The following GPHN variants were observed in gnomAD, a reference collection of about 807,000 sequenced individuals.
The protein encoded by GPHN is gephyrin.
GPHN carries 17 observed loss-of-function variants against 95.5 expected under a neutral mutation model. The ratio of observed to expected loss-of-function variants is 0.18; its 90% CI spans 0.12 to 0.27. The LOEUF is 0.27. GPHN is among the 10% of genes least tolerant of loss of function. The pLI, the probability that GPHN is intolerant of heterozygous loss-of-function variation, is 1.00. For synonymous variants in GPHN, 320 were observed against 322.5 expected (o/e 0.99, Z 0.08); for missense variants, 660 against 978.1 (o/e 0.67, Z 4.34).
chr14:67,530,851 T>A, the GPHN span, among the ~76,000 whole-genome samples: 1 of 152,206 alleles, frequency 6.6e-6, no homozygotes, highest in Non-Finnish European at 1.5e-5. Context: ...GAATTTGGCC[T>A]TAACTATTTT....
At chr14:66,865,986 T>C (rs2063207397) in intron 4 of GPHN, among the ~76,000 whole-genome samples, 2 of 152,124 alleles carry the variant, frequency 1.3e-5, no homozygotes. Context: ...TGTTTTTACG[T>C]ATGTGTGTGT....
intron 2 of GPHN, among the ~76,000 whole-genome samples, chr14:66,687,492 T>C (rs978314156): frequency 1.4e-5 from 2 of 148,118 alleles, no homozygotes; most frequent in Non-Finnish European, 3.0e-5. Flanking sequence ...TTTGGTTTTT[T>C]TTTTTTTTTT....
intron 1 of GPHN, among the ~76,000 whole-genome samples, chr14:66,636,230 A>G (rs997726543): frequency 7.9e-5 from 12 of 152,222 alleles, no homozygotes; most frequent in African/African-American, 2.6e-4. Context: ...GTGACTGTTT[A>G]TAGGATTCCT....
chr14:66,946,479 C>T (rs868435701), intron 8 of GPHN, among the ~76,000 whole-genome samples: 4 of 152,150 alleles, frequency 2.6e-5, no homozygotes, highest in African/African-American at 4.8e-5. Context: ...AATCTCGGCT[C>T]GCTGCAAACT....
chr14:67,059,106 A>C (rs1189990195), intron 11 of GPHN: 2 of 417,382 alleles, frequency 4.8e-6, no homozygotes, highest in East Asian at 8.1e-5. Context: ...CTCAGCACTG[A>C]GTGAGGAAAG....
At chr14:66,552,411 C>G (rs1158493490) in intron 1 of GPHN, among the ~76,000 whole-genome samples, 5 of 152,158 alleles carry the variant, frequency 3.3e-5, no homozygotes, top group Non-Finnish European at 7.4e-5. Flanking sequence ...ATAAGCCCTA[C>G]TTTACAGTGT....
At chr14:67,642,792 TC>T in the GPHN span, among the ~76,000 whole-genome samples, 7 of 126,388 alleles carry the variant, frequency 5.5e-5, no homozygotes, top group African/African-American at 8.8e-5. Flanking sequence ...TACTACATTT[TC>T]TTTTTTTTTT....
intron 3 of GPHN, among the ~76,000 whole-genome samples, chr14:66,788,234 A>G (rs1440729029): frequency 2.0e-5 from 3 of 152,158 alleles, no homozygotes; most frequent in Non-Finnish European, 4.4e-5. Flanking sequence ...GCTTGAACCC[A>G]GGTGGCGGAA....
At chr14:67,656,280 G>T in the GPHN span, 6 of 801,238 alleles carry the variant, frequency 7.5e-6, no homozygotes, top group Non-Finnish European at 1.1e-5. Flanking sequence ...TAAAAATTGA[G>T]AAAAGCATAA....
the GPHN span, among the ~76,000 whole-genome samples, chr14:67,504,605 G>T: frequency 4.6e-5 from 7 of 152,212 alleles, no homozygotes; most frequent in East Asian, 1.3e-3. Context: ...AAAAACAATA[G>T]GCCATGTGCG....
chr14:66,877,691 C>T (rs924746835), intron 4 of GPHN, among the ~76,000 whole-genome samples: 2 of 152,068 alleles, frequency 1.3e-5, no homozygotes, highest in Admixed American at 1.3e-4. Flanking sequence ...TGTGAAGGAC[C>T]TCTTCAAGGA....
At chr14:67,428,165 C>T in the GPHN span, among the ~76,000 whole-genome samples, 47 of 152,238 alleles carry the variant, frequency 3.1e-4, no homozygotes, top group Non-Finnish European at 5.1e-4. Context: ...GCGACCCACC[C>T]GCCTCAGCCT....
chr14:67,684,218 C>T, the GPHN span, among the ~76,000 whole-genome samples: 1 of 152,222 alleles, frequency 6.6e-6, no homozygotes, highest in Non-Finnish European at 1.5e-5. Context: ...ATCTGTCTGC[C>T]TTTCTTTCCA....
intron 2 of GPHN, among the ~76,000 whole-genome samples, chr14:66,747,510 G>C (rs1337467286): frequency 6.6e-6 from 1 of 151,790 alleles, no homozygotes; most frequent in African/African-American, 2.4e-5. Context: ...AACGAGTACT[G>C]ACTCTTGGCC....
chr14:66,787,837 TA>T (rs2059831248), intron 3 of GPHN, among the ~76,000 whole-genome samples: 1 of 150,672 alleles, frequency 6.6e-6, no homozygotes, highest in Non-Finnish European at 1.5e-5. Context: ...AAATACATAG[TA>T]GGCTTTAATA....
At chr14:67,273,256 T>G in the GPHN span, among the ~76,000 whole-genome samples, 8 of 152,200 alleles carry the variant, frequency 5.3e-5, no homozygotes, top group African/African-American at 1.9e-4. Context: ...CCTAATGCTA[T>G]CGCTCCCCCC....
intron 1 of GPHN, among the ~76,000 whole-genome samples, chr14:66,649,692 G>A (rs1381189855): frequency 6.6e-6 from 1 of 152,174 alleles, no homozygotes; most frequent in Non-Finnish European, 1.5e-5. Context: ...ATTAACATTA[G>A]CAGAGAGGTT....
rs1376436140 is a variant in GPHN, at chr14:66,623,468, A to G, written c.65-57639A>G. ...TACAAAGCCTACTAAAAATACAAAAATTGGCTGGGTGTGGTGATGTGCACC... is the reference window on the plus strand; with the variant it reads ...TACAAAGCCTACTAAAAATACAAAAGTTGGCTGGGTGTGGTGATGTGCACC... On this transcript the variant is annotated intron_variant, in intron 1 of 22. Coordinates refer to ENST00000478722, the MANE Select transcript of GPHN (RefSeq NM_020806.5). 2.6e-4 allele frequency among the ~76,000 whole-genome samples: 40 copies of G among 151,972 alleles called. 2 individuals are homozygous for G. The highest frequency in any genetic ancestry group is 2.9e-5 in the Non-Finnish European group (2 of 67,988).
At chr14:66,684,943 C>T (rs1203876318) in intron 2 of GPHN, among the ~76,000 whole-genome samples, 1 of 152,090 alleles carries the variant, frequency 6.6e-6, no homozygotes, top group Non-Finnish European at 1.5e-5. Flanking sequence ...ATGTTCCCTT[C>T]CTGTGTCCAA....
Sources: allele counts gnomAD v4.1 joint callset (sites outside exome capture counted in the v4.1 genomes callset), GRCh38; gene constraint gnomAD v4.1.1; transcripts MANE v1.5; gene names NCBI Gene and HGNC (gene_info 2026-07-23, HGNC 2026-07-21).